Variants in ADCY3 observed in about 807,000 individuals in gnomAD.
ADCY3 encodes the protein adenylate cyclase 3.
A neutral mutation model predicts 119.4 loss-of-function variants in ADCY3; 70 were observed. That is an observed-to-expected ratio of 0.59 (90% CI 0.48 to 0.72). The LOEUF is 0.72. Among genes scored for constraint, ADCY3 ranks in the 30% least tolerant of loss-of-function variants. The probability of loss-of-function intolerance (pLI) is 0.00; values close to 1 mark genes in which losing one functional copy is unlikely to be tolerated. For synonymous variants in ADCY3, 672 were observed against 621.4 expected, an observed-to-expected ratio of 1.08 and a Z score of -1.21; for missense variants, 1,238 against 1,541.6, an observed-to-expected ratio of 0.80 and a Z score of 3.30.
chr2:24,845,887 C>A lies in ADCY3; in HGVS notation c.826-3503G>T, dbSNP rs137940496. 6.2e-3 allele frequency among the ~76,000 whole-genome samples: 945 copies of A among 152,314 alleles called. 11 individuals are homozygous for A. The highest frequency in any genetic ancestry group is 0.019 in the African/African-American group (810 of 41,550). On this transcript the variant is annotated intron_variant, in intron 3 of 21. Transcript: ENST00000679454. Reference sequence around the variant, plus strand: ...GGGACTTGGTGCCCTGTGTCCCAGCCGCTCCAGCCGTGGCCGAAAGGGCCA... The same window carrying A: ...GGGACTTGGTGCCCTGTGTCCCAGCAGCTCCAGCCGTGGCCGAAAGGGCCA...
rs982162333 is a variant in ADCY3 at position 24,819,814 on chromosome 2, A to T, written c.*118T>A. The T allele has an allele frequency of 3.8e-6, 4 of 1,062,260 alleles. No homozygotes were observed. Among genetic ancestry groups the T allele is most frequent in the Non-Finnish European group, 4.1e-6 (3 of 740,524 alleles). The allele number at this position is 1,062,260 out of a possible 1,614,324, so 65.8% of individuals were successfully genotyped here. On this transcript the variant is annotated 3_prime_UTR_variant, in exon 22 of 22. Transcript: ENST00000679454. ...ATCCACGAACAAATGAAGGCTGAGG[A>T]GGTTTCTAAACCTAAAGTCCATGAG...
At chr2:24,871,611 C>A (rs550949404) in intron 3 of ADCY3, among the ~76,000 whole-genome samples, 15 of 152,342 alleles carry the variant, frequency 9.8e-5, no homozygotes, top group African/African-American at 3.6e-4. Flanking sequence ...GCCCTGTCCA[C>A]CCGAGTGGCA....
intron 3 of ADCY3, among the ~76,000 whole-genome samples, chr2:24,860,387 C>T (rs1005109251): frequency 1.3e-5 from 2 of 152,208 alleles, no homozygotes; most frequent in African/African-American, 2.4e-5. Flanking sequence ...TGCACCCTGG[C>T]GGCCCCGCAC....
At chr2:24,905,006 T>C (rs979147518) in intron 2 of ADCY3, among the ~76,000 whole-genome samples, 6 of 152,096 alleles carry the variant, frequency 3.9e-5, no homozygotes, top group Admixed American at 2.0e-4. Context: ...TTTCCCTGAT[T>C]ATTAGAGTTA....
At chr2:24,840,222 G>A (rs1223530495) in intron 6 of ADCY3, among the ~76,000 whole-genome samples, 191 bp from the exon 7 acceptor site, 2 of 152,234 alleles carry the variant, frequency 1.3e-5, no homozygotes, top group African/African-American at 4.8e-5. Context: ...AGGCATCACA[G>A]GCCAGCAGGA....
intron 16 of ADCY3, among the ~76,000 whole-genome samples, chr2:24,824,744 CCGGGCATGGTGG>C (rs969573784): frequency 6.6e-6 from 1 of 152,160 alleles, no homozygotes; most frequent in African/African-American, 2.4e-5. Context: ...CAAAAATTAG[CCGGGCATGGTGG>C]CGGGCACCTG....
At chr2:24,858,126 G>A (rs1274007252) in intron 3 of ADCY3, among the ~76,000 whole-genome samples, 9 of 150,604 alleles carry the variant, frequency 6.0e-5, no homozygotes, top group Admixed American at 2.7e-4. Context: ...AGCCTCCCAA[G>A]TAGCTGGGAC....
chr2:24,830,540 A>G (rs1235796868), intron 13 of ADCY3, among the ~76,000 whole-genome samples, 169 bp downstream of exon 13: 2 of 152,190 alleles, frequency 1.3e-5, no homozygotes, highest in Non-Finnish European at 2.9e-5. Flanking sequence ...GATGACAGGG[A>G]CAAGACTCCT....
intron 3 of ADCY3, among the ~76,000 whole-genome samples, chr2:24,871,433 A>C (rs1674998607): frequency 6.6e-6 from 1 of 152,216 alleles, no homozygotes; most frequent in Admixed American, 6.5e-5. Flanking sequence ...AAGGAATGAG[A>C]TTGGTAAACG....
chr2:24,892,425 T>G (rs59501917), intron 2 of ADCY3, among the ~76,000 whole-genome samples: 88 of 152,318 alleles, frequency 5.8e-4, no homozygotes, highest in African/African-American at 2.1e-3. Context: ...GCTAATTTTT[T>G]GTATTTTAGT....
chr2:24,904,171 G>A (rs1679215648), intron 2 of ADCY3, among the ~76,000 whole-genome samples: 1 of 152,182 alleles, frequency 6.6e-6, no homozygotes. Flanking sequence ...GAAAAAGAGA[G>A]AGAGAGAGAA....
At chr2:24,914,214 C>T (rs908641631) in intron 2 of ADCY3, among the ~76,000 whole-genome samples, 4 of 152,238 alleles carry the variant, frequency 2.6e-5, no homozygotes, top group African/African-American at 9.6e-5. Flanking sequence ...CTGCTCTGGG[C>T]CTGTGTTGCC....
chr2:24,826,966 G>A (rs566799785), intron 15 of ADCY3, among the ~76,000 whole-genome samples: 32 of 152,280 alleles, frequency 2.1e-4, no homozygotes, highest in African/African-American at 7.5e-4. Flanking sequence ...TATCTCACTA[G>A]GGTGTAACTG....
At chr2:24,869,028 T>C (rs1674653350) in intron 3 of ADCY3, among the ~76,000 whole-genome samples, 1 of 151,832 alleles carries the variant, frequency 6.6e-6, no homozygotes, top group African/African-American at 2.4e-5. Flanking sequence ...CGTCTCAAAA[T>C]AAATAAATAA....
rs1664834809 is a variant in ADCY3, at chr2:24,919,315, C to A, written c.-197-131G>T. 1.0e-5 allele frequency: 3 copies of A among 291,472 alleles called. No homozygotes were observed. Among genetic ancestry groups the A allele is most frequent in the Non-Finnish European group, 1.3e-5 (2 of 153,552 alleles). 18.1% of individuals were successfully genotyped at this position (291,472 alleles called of 1,614,324 possible). ...CAACCCAGGGCCTTCCCTGCCACCC[C>A]CGGCTCACACCACCGCCCACCGCAG... On this transcript the variant is annotated intron_variant, in intron 1 of 21. Transcript: ENST00000679454. This position sits in a 1 kb window ranked among gnomAD's most constrained non-coding sequence, Gnocchi z 5.5.
chr2:24,819,504 C>T lies in ADCY3; in HGVS notation c.*428G>A, dbSNP rs1667210100. Reference sequence around the variant, plus strand: ...CACCTCACTCGGACCACATGGAGACCTCCCTTCAAAATGGGAGCCATGTCC... The same window carrying T: ...CACCTCACTCGGACCACATGGAGACTTCCCTTCAAAATGGGAGCCATGTCC... On this transcript the variant is annotated 3_prime_UTR_variant, in exon 22 of 22. Coordinates refer to ENST00000679454, the MANE Select transcript of ADCY3 (RefSeq NM_004036.5). The T allele has an allele frequency of 6.4e-6, 1 of 156,204 alleles. No individual in the cohort carries two copies. The highest frequency in any genetic ancestry group is 2.0e-4 in the South Asian group (1 of 4,988). The allele number at this position is 156,204 out of a possible 1,614,324, so 9.7% of individuals were successfully genotyped here.
Position 24,867,113 on chromosome 2 carries a change from G to A in ADCY3, c.825+5457C>T, listed in dbSNP as rs936217654. Among the ~76,000 whole-genome samples, 4 of 152,168 alleles carry A rather than the reference G, an allele frequency of 2.6e-5. No homozygotes were observed. The South Asian group carries it at 6.2e-4, about 24-fold the overall frequency. ...GCAACTGCAAAGAAAACTCCCAGGC[G>A]CAGCATCGTAAAACTGCTGAGAACC... On this transcript the variant is annotated intron_variant, in intron 3 of 21. Coordinates refer to ENST00000679454, the MANE Select transcript of ADCY3 (RefSeq NM_004036.5).
At chr2:24,821,720 C>G (rs1247841672) in intron 19 of ADCY3, 80 bp from the exon 20 acceptor site, 5 of 1,562,804 alleles carry the variant, frequency 3.2e-6, no homozygotes, top group Non-Finnish European at 4.3e-6. Context: ...TGGCAGTGTT[C>G]TGGGGGTGGA....
chr2:24,909,257 G>A (rs11885045), intron 2 of ADCY3, among the ~76,000 whole-genome samples: 1 of 152,224 alleles, frequency 6.6e-6, no homozygotes, highest in African/African-American at 2.4e-5. Context: ...ACTTCATTCA[G>A]GTCCACCAAG....
Sources: allele counts gnomAD v4.1 joint callset (sites outside exome capture counted in the v4.1 genomes callset), GRCh38; gene constraint gnomAD v4.1.1; non-coding constraint Gnocchi (gnomAD v3.1); transcripts MANE v1.5; gene names NCBI Gene and HGNC (gene_info 2026-07-23, HGNC 2026-07-21).